Variants in POTEB observed in about 807,000 individuals in gnomAD.
The protein encoded by POTEB is POTE ankyrin domain family member B.
chr15:21,854,254 C>CA (rs1889819069), intron 9 of POTEB, among the ~76,000 whole-genome samples: 1 of 133,122 alleles, frequency 7.5e-6, no homozygotes, highest in Non-Finnish European at 1.6e-5. Flanking sequence ...ACTCTGTCTC[C>CA]AAAAAAGAAA....
At chr15:21,849,213 TAAG>T (rs1199244547) in intron 9 of POTEB, among the ~76,000 whole-genome samples, 2 of 9,334 alleles carry the variant, frequency 2.1e-4, no homozygotes, top group Non-Finnish European at 4.4e-4. Flanking sequence ...TCATGCATAT[TAAG>T]AAGAAAACTG....
chr15:21,854,503 T>C (rs1339455984), intron 9 of POTEB, among the ~76,000 whole-genome samples: 2 of 150,786 alleles, frequency 1.3e-5, no homozygotes, highest in Non-Finnish European at 3.0e-5. Context: ...GGAAGAAAAG[T>C]GCCTAGATTT....
intron 9 of POTEB, among the ~76,000 whole-genome samples, chr15:21,855,225 T>G (rs1226834728): frequency 0.4 from 56,005 of 139,640 alleles, 6,790 homozygotes; most frequent in South Asian, 0.51. Context: ...TAAGTGTTAC[T>G]GCATTAGCAG....
chr15:21,871,738 GAA>G lies in POTEB; in HGVS notation c.699+267_699+268del, dbSNP rs372481275. Among the ~76,000 whole-genome samples, 21 of 11,370 alleles carry G rather than the reference GAA, an allele frequency of 1.8e-3. 3 individuals carry two copies. Among genetic ancestry groups the G allele is most frequent in the East Asian group, 0.013 (7 of 532 alleles). 7.5% of individuals were successfully genotyped at this position (11,370 alleles called of 152,430 possible). A position where few individuals can be genotyped will look rare whatever the true frequency, so the allele number is the denominator to read the frequency against. On this transcript the variant is annotated intron_variant, in intron 3 of 10. Coordinates refer to ENST00000439682, the MANE Select transcript of POTEB (RefSeq NM_001277304.2). The stretch of plus-strand genomic sequence containing the variant: ...AAAAAAAACTTGGCAGGGAAAAATT[GAA>G]AAAAAAAAAAGTATTACCTTTTACA...
rs1186659678 is a variant in POTEB at position 21,870,347 on chromosome 15, C to T, written c.700-1169G>A. ...CCACCAGAGCTTAGGGACGTCAAGG[C>T]TGTGGTGATCTGTGACCGCACCACT... On this transcript the variant is annotated intron_variant, in intron 3 of 10. Coordinates refer to ENST00000439682, the MANE Select transcript of POTEB (RefSeq NM_001277304.2). Among the ~76,000 whole-genome samples the T allele has an allele frequency of 9.9e-5, 7 of 70,874 alleles. No homozygotes were observed. The East Asian group carries it at 2.9e-3, about 29-fold the overall frequency. 46.5% of individuals were successfully genotyped at this position (70,874 alleles called of 152,430 possible).
chr15:21,855,034 A>C (rs867874557), intron 9 of POTEB, among the ~76,000 whole-genome samples: 14 of 145,398 alleles, frequency 9.6e-5, no homozygotes, highest in African/African-American at 3.2e-4. Context: ...TGATCACCAT[A>C]AAATACTGAA....
intron 3 of POTEB, among the ~76,000 whole-genome samples, chr15:21,870,185 A>G (rs1890071628): frequency 2.3e-5 from 1 of 44,436 alleles, no homozygotes; most frequent in Non-Finnish European, 4.9e-5. Context: ...ATGGTGGCTC[A>G]CACCTGTAAT....
At chr15:21,847,311 G>C (rs567513944) in intron 10 of POTEB, among the ~76,000 whole-genome samples, 1 of 66,632 alleles carries the variant, frequency 1.5e-5, no homozygotes, top group Admixed American at 1.8e-4. Context: ...GCACTCCAGC[G>C]TGGGTGACAG....
chr15:21,855,255 G>A (rs1468355551), intron 9 of POTEB, among the ~76,000 whole-genome samples: 5 of 148,444 alleles, frequency 3.4e-5, no homozygotes, highest in East Asian at 2.0e-4. Flanking sequence ...TTTAGCACAA[G>A]GGTCAGCAAA....
intron 10 of POTEB, among the ~76,000 whole-genome samples, chr15:21,847,387 G>A (rs537660825): frequency 4.3e-5 from 3 of 69,626 alleles, no homozygotes; most frequent in African/African-American, 9.3e-5. Flanking sequence ...TATATGCAAC[G>A]TGCAAGATTT....
chr15:21,871,758 C>A (rs1215629464), intron 3 of POTEB, among the ~76,000 whole-genome samples: 1 of 32,830 alleles, frequency 3.0e-5, no homozygotes, highest in East Asian at 5.1e-4. Flanking sequence ...AAAGTATTAC[C>A]TTTTACAAAT....
chr15:21,870,318 A>C (rs1256247648), intron 3 of POTEB, among the ~76,000 whole-genome samples: 2 of 84,136 alleles, frequency 2.4e-5, no homozygotes, highest in East Asian at 6.8e-4. Context: ...AACAGATTGG[A>C]GGACCACCAG....
chr15:21,855,405 TAGAG>T (rs1481786719), intron 9 of POTEB, among the ~76,000 whole-genome samples: 1 of 144,478 alleles, frequency 6.9e-6, no homozygotes, highest in African/African-American at 2.5e-5. Flanking sequence ...TCCCAGCTAA[TAGAG>T]AGGCTGAGGT....
intron 9 of POTEB, among the ~76,000 whole-genome samples, chr15:21,854,527 A>G (rs1228129680): frequency 6.0e-5 from 9 of 150,906 alleles, no homozygotes; most frequent in African/African-American, 2.2e-4. Flanking sequence ...ACAGAAAAAA[A>G]TTAGTGATAA....
intron 9 of POTEB, among the ~76,000 whole-genome samples, chr15:21,850,827 TTA>T (rs1214256895): frequency 0.045 from 10 of 222 alleles, no homozygotes; most frequent in Non-Finnish European, 0.059. Context: ...ATAAAGAAAA[TTA>T]TATATATATA....
At chr15:21,854,473 C>T (rs866912199) in intron 9 of POTEB, among the ~76,000 whole-genome samples, 1,683 of 148,670 alleles carry the variant, frequency 0.011, 17 homozygotes, top group African/African-American at 0.04. Context: ...ATATTGCTGA[C>T]AGATTAAATA....
chr15:21,854,603 G>C (rs2141615369), intron 9 of POTEB, among the ~76,000 whole-genome samples: 1 of 150,286 alleles, frequency 6.7e-6, no homozygotes, highest in Non-Finnish European at 1.5e-5. Context: ...GATCAAGAGT[G>C]AATGAAAAGA....
intron 3 of POTEB, among the ~76,000 whole-genome samples, chr15:21,870,244 T>G: frequency 1.6e-5 from 1 of 63,890 alleles, no homozygotes; most frequent in African/African-American, 5.0e-5. Context: ...AGCCCAGGAG[T>G]TCAAGATCAG....
intron 3 of POTEB, among the ~76,000 whole-genome samples, chr15:21,870,257 T>A (rs1162822718): frequency 0.47 from 30,867 of 65,648 alleles, 6,980 homozygotes; most frequent in South Asian, 0.64. Context: ...AAGATCAGCC[T>A]GAGAAACATG....
Sources: gnomAD v4.1 joint callset for allele counts (sites outside exome capture counted in the v4.1 genomes callset) on GRCh38, gnomAD v4.1.1 for gene constraint, MANE v1.5 for transcripts, NCBI Gene and HGNC (gene_info 2026-07-23, HGNC 2026-07-21) for gene names.